TTC6: variants seen among roughly 807,000 people sequenced by gnomAD.
TTC6 encodes the protein tetratricopeptide repeat domain 6, also known as tetratricopeptide repeat protein 6.
Under a neutral mutation model 210.4 loss-of-function variants are expected in TTC6, and 172 were observed. That is an observed-to-expected ratio of 0.82 (90% CI 0.72 to 0.93). The LOEUF (loss-of-function observed/expected upper bound fraction) is 0.93, where lower values mean the gene tolerates loss of function less well. Ranked by LOEUF, TTC6 falls within the 40% of genes least tolerant of loss-of-function variation. The probability of loss-of-function intolerance (pLI) is 0.00; values close to 1 mark genes in which losing one functional copy is unlikely to be tolerated. For missense variants in TTC6, 2,414 were observed against 2,318.1 expected, an observed-to-expected ratio of 1.04 and a Z score of -0.85; for synonymous variants, 804 against 819.6, an observed-to-expected ratio of 0.98 and a Z score of 0.32.
chr14:37,733,854 G>A (rs2095894383), intron 7 of TTC6, among the ~76,000 whole-genome samples: 1 of 151,792 alleles, frequency 6.6e-6, no homozygotes, highest in Non-Finnish European at 1.5e-5. Context: ...GCTTGGTATT[G>A]GATTCTGGAC....
chr14:37,830,513 G>A (rs181374483), intron 29 of TTC6, among the ~76,000 whole-genome samples: 5 of 151,360 alleles, frequency 3.3e-5, no homozygotes, highest in East Asian at 3.9e-4. Flanking sequence ...ATTTCTTAAT[G>A]TCTGTTTCAT....
At chr14:37,622,178 G>C in exon 1 of TTC6, 2 of 1,535,556 alleles carry the variant, frequency 1.3e-6, no homozygotes, top group Non-Finnish European at 1.7e-6. Flanking sequence ...GATTCAAGCA[G>C]AAGTTGGCCT....
At position 37,830,209 on chromosome 14, in the gene TTC6, G is replaced by A. The variant is rs149069248; in HGVS notation, c.5298+2843G>A. On this transcript the variant is annotated intron_variant, in intron 29 of 30. Coordinates refer to ENST00000553443, the Ensembl canonical transcript of TTC6. ...TGGTGGTATATGTTGGTGTCAAGAA[G>A]CATGATGCAAAACGGATTTTCTTTT... 3.3e-3 allele frequency among the ~76,000 whole-genome samples: 501 copies of A among 152,166 alleles called. 1 individual carries two copies. The highest frequency in any genetic ancestry group is 0.01 in the Middle Eastern group (3 of 294).
intron 5 of TTC6, among the ~76,000 whole-genome samples, chr14:37,708,156 C>A (rs1446681828): frequency 6.6e-6 from 1 of 151,702 alleles, no homozygotes; most frequent in African/African-American, 2.4e-5. Context: ...TAACATATTT[C>A]TTTGAGGATA....
chr14:37,599,425 T>G (rs1384694031), intron 1 of TTC6, among the ~76,000 whole-genome samples: 1 of 152,236 alleles, frequency 6.6e-6, no homozygotes, highest in African/African-American at 2.4e-5. Context: ...CGTGTGCTTG[T>G]GTCTGTGTGT....
At chr14:37,771,653 A>G (rs1055660541) in intron 14 of TTC6, among the ~76,000 whole-genome samples, 5 of 152,072 alleles carry the variant, frequency 3.3e-5, no homozygotes, top group South Asian at 2.1e-4. Context: ...TTTCAGCTCC[A>G]TCAGCTCCTT....
chr14:37,599,462 C>T (rs956429736), intron 1 of TTC6, among the ~76,000 whole-genome samples: 2 of 152,202 alleles, frequency 1.3e-5, no homozygotes, highest in Non-Finnish European at 2.9e-5. Flanking sequence ...AACGCATAAA[C>T]ATACCCAGGG....
intron 5 of TTC6, among the ~76,000 whole-genome samples, chr14:37,710,749 A>G (rs1474315685): frequency 3.3e-5 from 5 of 152,086 alleles, no homozygotes; most frequent in South Asian, 2.1e-4. Flanking sequence ...TCTTTCCACT[A>G]TATCAGTGAT....
intron 10 of TTC6, among the ~76,000 whole-genome samples, chr14:37,747,161 T>C (rs2095938470): frequency 6.6e-6 from 1 of 152,204 alleles, no homozygotes; most frequent in South Asian, 2.1e-4. Context: ...ACACTGGTGA[T>C]ATTTGACAAA....
rs545279073 is a variant in TTC6, at chr14:37,776,209, C to A, written c.3267-11259C>A. On this transcript the variant is annotated intron_variant, in intron 14 of 30. Transcript: ENST00000553443. ...GGGACTACAGGCGCCCGCCACCGCGCCCGGCTAATTTTTTGTCTTTTTAGT... is the reference window on the plus strand; with the variant it reads ...GGGACTACAGGCGCCCGCCACCGCGACCGGCTAATTTTTTGTCTTTTTAGT... Among the ~76,000 whole-genome samples, 2 of 147,100 alleles carry A rather than the reference C, an allele frequency of 1.4e-5. 1 individual carries two copies. The highest frequency in any genetic ancestry group is 4.5e-4 in the South Asian group (2 of 4,446).
intron 1 of TTC6, among the ~76,000 whole-genome samples, chr14:37,643,807 G>A (rs1397995542): frequency 6.6e-6 from 1 of 152,038 alleles, no homozygotes; most frequent in Non-Finnish European, 1.5e-5. Context: ...CTTAATCATT[G>A]GAAATAGGGT....
At chr14:37,838,808 C>T (rs578047280) in intron 29 of TTC6, among the ~76,000 whole-genome samples, 4 of 152,252 alleles carry the variant, frequency 2.6e-5, no homozygotes, top group African/African-American at 9.6e-5. Context: ...ATATCCCTCC[C>T]CCACCCACTG....
chr14:37,718,182 T>A (rs566367190), intron 6 of TTC6, among the ~76,000 whole-genome samples: 2 of 152,192 alleles, frequency 1.3e-5, no homozygotes, highest in African/African-American at 4.8e-5. Context: ...AAATGTTAGG[T>A]CATAGAATTA....
chr14:37,638,638 G>A (rs1595046718), intron 1 of TTC6, among the ~76,000 whole-genome samples: 2 of 144,012 alleles, frequency 1.4e-5, no homozygotes, highest in Admixed American at 7.0e-5. Context: ...GGGCGGGGGG[G>A]CTGGGAGGGA....
intron 2 of TTC6, among the ~76,000 whole-genome samples, chr14:37,682,093 C>G (rs1052312463): frequency 2.6e-5 from 4 of 151,892 alleles, no homozygotes; most frequent in Non-Finnish European, 5.9e-5. Context: ...GAGAAGTATA[C>G]CTGCCCTAAA....
At chr14:37,809,758 C>G (rs1425577227) in intron 24 of TTC6, among the ~76,000 whole-genome samples, 3 of 152,110 alleles carry the variant, frequency 2.0e-5, no homozygotes, top group African/African-American at 7.2e-5. Context: ...TCTACCTGTG[C>G]AAACTCTTGT....
At chr14:37,721,209 A>T (rs1250077569) in intron 6 of TTC6, among the ~76,000 whole-genome samples, 1 of 152,130 alleles carries the variant, frequency 6.6e-6, no homozygotes, top group East Asian at 1.9e-4. Flanking sequence ...GATGACTTTC[A>T]TACTTTATTA....
At chr14:37,831,553 C>T (rs549414958) in intron 29 of TTC6, among the ~76,000 whole-genome samples, 3 of 152,028 alleles carry the variant, frequency 2.0e-5, no homozygotes, top group Admixed American at 1.3e-4. Flanking sequence ...ACTAAAGCTC[C>T]GATTCTCTGT....
intron 7 of TTC6, among the ~76,000 whole-genome samples, chr14:37,726,501 T>A (rs1222439482): frequency 6.6e-6 from 1 of 152,194 alleles, no homozygotes; most frequent in African/African-American, 2.4e-5. Context: ...TATGTTGAAT[T>A]CTGTTAGGCC....
Sources: allele counts gnomAD v4.1 joint callset (sites outside exome capture counted in the v4.1 genomes callset), GRCh38; gene constraint gnomAD v4.1.1; transcripts MANE v1.5; gene names NCBI Gene and HGNC (gene_info 2026-07-23, HGNC 2026-07-21).